ZNF385D: variants seen among roughly 807,000 people sequenced by gnomAD.
The protein encoded by ZNF385D is zinc finger protein 385D, also known as zinc finger protein 659.
Under a neutral mutation model 35.8 loss-of-function variants are expected in ZNF385D, and 15 were observed. That is an observed-to-expected ratio of 0.42 (90% CI 0.28 to 0.64). ZNF385D has a LOEUF of 0.64. Ranked by LOEUF, ZNF385D falls within the 30% of genes least tolerant of loss-of-function variation. The pLI is 0.23. For missense variants in ZNF385D, 474 were observed against 494.6 expected, an observed-to-expected ratio of 0.96 and a Z score of 0.39; for synonymous variants, 212 against 186.8, an observed-to-expected ratio of 1.13 and a Z score of -1.10.
At chr3:21,448,769 T>C (rs1272545417) in intron 4 of ZNF385D, among the ~76,000 whole-genome samples, 1 of 152,160 alleles carries the variant, frequency 6.6e-6, no homozygotes, top group Admixed American at 6.5e-5. Context: ...AAACTAGATT[T>C]TCATGAAATT....
intron 3 of ZNF385D, among the ~76,000 whole-genome samples, chr3:21,862,749 C>G (rs1697127314): frequency 6.6e-6 from 1 of 152,160 alleles, no homozygotes. Context: ...TATAGAAGTT[C>G]TTTTTCTGTT....
chr3:21,641,321 T>C (rs770765573), intron 2 of ZNF385D, among the ~76,000 whole-genome samples: 1 of 150,404 alleles, frequency 6.6e-6, no homozygotes, highest in Non-Finnish European at 1.5e-5. Context: ...ACCAGACAAG[T>C]TGGTGAAGAG....
chr3:22,065,219 T>A (rs1167775483), intron 3 of ZNF385D, among the ~76,000 whole-genome samples: 4 of 152,148 alleles, frequency 2.6e-5, no homozygotes, highest in African/African-American at 9.6e-5. Context: ...GCTCTCCTCG[T>A]AGGACTGGGC....
chr3:21,627,284 T>TGTGTGA (rs1425947782), intron 2 of ZNF385D, among the ~76,000 whole-genome samples: 8 of 149,800 alleles, frequency 5.3e-5, no homozygotes, highest in African/African-American at 2.0e-4. Flanking sequence ...TGTGTGTGTG[T>TGTGTGA]GTGAATTACT....
At chr3:22,133,339 A>T (rs1703911393) in intron 3 of ZNF385D, among the ~76,000 whole-genome samples, 1 of 152,082 alleles carries the variant, frequency 6.6e-6, no homozygotes, top group Admixed American at 6.6e-5. Flanking sequence ...GCAGTAGAAT[A>T]CTGAACATAA....
intron 3 of ZNF385D, among the ~76,000 whole-genome samples, chr3:21,961,071 T>C (rs1702561713): frequency 6.6e-6 from 1 of 152,120 alleles, no homozygotes; most frequent in South Asian, 2.1e-4. Flanking sequence ...AGAAGATTTT[T>C]GATGTTCATA....
chr3:21,901,226 C>G (rs929883813), intron 3 of ZNF385D, among the ~76,000 whole-genome samples: 2 of 152,142 alleles, frequency 1.3e-5, no homozygotes, highest in Non-Finnish European at 2.9e-5. Flanking sequence ...ATCCCCCTGC[C>G]TCGGCATCCC....
intron 1 of ZNF385D, among the ~76,000 whole-genome samples, chr3:21,707,226 C>A (rs558483292): frequency 2.0e-5 from 3 of 152,206 alleles, no homozygotes; most frequent in African/African-American, 4.8e-5. Flanking sequence ...TTGTGACTTA[C>A]AAATCACATC....
At chr3:21,427,873 C>A (rs183882189) in intron 5 of ZNF385D, among the ~76,000 whole-genome samples, 37 of 151,658 alleles carry the variant, frequency 2.4e-4, no homozygotes, top group African/African-American at 8.2e-4. Flanking sequence ...CATACACTTA[C>A]ACACACATGC....
At chr3:21,467,228 T>C (rs1165039067) in intron 4 of ZNF385D, among the ~76,000 whole-genome samples, 2 of 152,240 alleles carry the variant, frequency 1.3e-5, no homozygotes, top group African/African-American at 4.8e-5. Flanking sequence ...CCTGACTTAC[T>C]TTCCTATTCC....
At chr3:21,769,129 A>C (rs1261574764) in intron 3 of ZNF385D, among the ~76,000 whole-genome samples, 1 of 152,112 alleles carries the variant, frequency 6.6e-6, no homozygotes, top group African/African-American at 2.4e-5. Context: ...ATAATATCAT[A>C]CTGAATGGGC....
chr3:21,512,560 T>G (rs1047899615), intron 3 of ZNF385D, among the ~76,000 whole-genome samples: 4 of 152,226 alleles, frequency 2.6e-5, no homozygotes, highest in African/African-American at 9.6e-5. Context: ...GTACCCTTAT[T>G]GAAAGAACAC....
chr3:21,878,858 C>G (rs1285106606), intron 3 of ZNF385D, among the ~76,000 whole-genome samples: 2 of 152,000 alleles, frequency 1.3e-5, no homozygotes, highest in African/African-American at 4.8e-5. Flanking sequence ...ATTTATCAAG[C>G]ACATTTGAAG....
At chr3:22,089,408 G>T (rs972332943) in intron 3 of ZNF385D, among the ~76,000 whole-genome samples, 1 of 152,186 alleles carries the variant, frequency 6.6e-6, no homozygotes, top group Non-Finnish European at 1.5e-5. Flanking sequence ...GGCACTAAAA[G>T]GACGCTGGAG....
chr3:21,719,921 C>T (rs1000478487), intron 1 of ZNF385D, among the ~76,000 whole-genome samples: 3 of 152,210 alleles, frequency 2.0e-5, no homozygotes, highest in East Asian at 1.9e-4. Context: ...CTCTCTCTCT[C>T]ATAACTAGCT....
chr3:21,977,591 G>A (rs2125358937), intron 3 of ZNF385D, among the ~76,000 whole-genome samples: 1 of 152,138 alleles, frequency 6.6e-6, no homozygotes, highest in East Asian at 1.9e-4. Flanking sequence ...GGCCATAGTG[G>A]GAAGAGTGCT....
At chr3:21,479,582 A>G (rs7633818) in intron 4 of ZNF385D, among the ~76,000 whole-genome samples, 72,104 of 152,000 alleles carry the variant, frequency 0.47, 17,623 homozygotes, top group East Asian at 0.83. Flanking sequence ...TTGATTTAGA[A>G]TTAGAGTATA....
At chr3:22,296,026 C>T (rs1017923480) in intron 2 of ZNF385D, among the ~76,000 whole-genome samples, 10 of 152,114 alleles carry the variant, frequency 6.6e-5, no homozygotes, top group African/African-American at 2.2e-4. Flanking sequence ...ATAACCTTTG[C>T]ATGGCCCAGG....
chr3:21,704,902 A>G (rs1219584944), intron 1 of ZNF385D, among the ~76,000 whole-genome samples: 1 of 152,210 alleles, frequency 6.6e-6, no homozygotes, highest in African/African-American at 2.4e-5. Context: ...GCTTAACCCT[A>G]GCATCCCTCT....
Sources: gnomAD v4.1 joint callset for allele counts (sites outside exome capture counted in the v4.1 genomes callset) on GRCh38, gnomAD v4.1.1 for gene constraint, MANE v1.5 for transcripts, NCBI Gene and HGNC (gene_info 2026-07-23, HGNC 2026-07-21) for gene names.